SPMIP2: variants seen among roughly 807,000 people sequenced by gnomAD.
SPMIP2 encodes the protein protein SPMIP2.
At chr4:158,918,142 G>C in the SPMIP2 span, among the ~76,000 whole-genome samples, 6 of 152,172 alleles carry the variant, frequency 3.9e-5, no homozygotes, top group African/African-American at 1.4e-4. Flanking sequence ...GCTCCCCAGT[G>C]CCATTACCCT....
the SPMIP2 span, among the ~76,000 whole-genome samples, chr4:158,941,765 G>A: frequency 0.66 from 99,701 of 151,616 alleles, 33,121 homozygotes; most frequent in East Asian, 0.88. Flanking sequence ...GCTTTTTAAA[G>A]AAAGTAATAT....
the SPMIP2 span, among the ~76,000 whole-genome samples, chr4:159,001,416 T>G: frequency 6.6e-6 from 1 of 152,156 alleles, no homozygotes; most frequent in Non-Finnish European, 1.5e-5. Context: ...ATAGGTAAAC[T>G]CATGTCATGG....
the SPMIP2 span, among the ~76,000 whole-genome samples, chr4:158,902,709 T>A: frequency 6.6e-6 from 1 of 152,222 alleles, no homozygotes; most frequent in South Asian, 2.1e-4. Flanking sequence ...AGAGAGGCAG[T>A]CTGGCCCCAG....
At chr4:159,057,534 T>A in the SPMIP2 span, among the ~76,000 whole-genome samples, 1 of 152,172 alleles carries the variant, frequency 6.6e-6, no homozygotes, top group African/African-American at 2.4e-5. Flanking sequence ...ATCAGAAGAA[T>A]CACTTGGAAA....
chr4:158,943,987 C>G, the SPMIP2 span, among the ~76,000 whole-genome samples: 3 of 151,428 alleles, frequency 2.0e-5, no homozygotes, highest in Non-Finnish European at 4.4e-5. Context: ...TCCCAAGTAG[C>G]TGGGACTACA....
At chr4:158,969,175 G>A in the SPMIP2 span, among the ~76,000 whole-genome samples, 2 of 152,126 alleles carry the variant, frequency 1.3e-5, no homozygotes, top group African/African-American at 4.8e-5. Context: ...TTGTCACGAG[G>A]TCAGAGCACA....
chr4:158,983,740 C>T, the SPMIP2 span, among the ~76,000 whole-genome samples: 2 of 64,438 alleles, frequency 3.1e-5, no homozygotes, highest in South Asian at 1.3e-3. Context: ...CATCAACTAA[C>T]GAGCAAAATA....
chr4:158,961,369 G>T, the SPMIP2 span, among the ~76,000 whole-genome samples: 2 of 152,064 alleles, frequency 1.3e-5, no homozygotes, highest in African/African-American at 4.8e-5. Context: ...CATCTTCTCA[G>T]GGATAAAGAC....
the SPMIP2 span, among the ~76,000 whole-genome samples, chr4:159,043,420 C>T: frequency 6.6e-5 from 10 of 152,156 alleles, no homozygotes; most frequent in African/African-American, 1.9e-4. Context: ...GATCTCGGCT[C>T]ACTGCAAACT....
At chr4:159,028,554 C>A in the SPMIP2 span, among the ~76,000 whole-genome samples, 1 of 152,108 alleles carries the variant, frequency 6.6e-6, no homozygotes, top group Non-Finnish European at 1.5e-5. Flanking sequence ...TGGTCTCAAA[C>A]TCCTGGGCTC....
chr4:158,974,022 A>G, the SPMIP2 span, among the ~76,000 whole-genome samples: 1 of 150,640 alleles, frequency 6.6e-6, no homozygotes, highest in South Asian at 2.1e-4. Context: ...GATATATACT[A>G]AAATTTATCC....
At chr4:159,075,531 A>G in the SPMIP2 span, among the ~76,000 whole-genome samples, 2 of 152,276 alleles carry the variant, frequency 1.3e-5, no homozygotes, top group South Asian at 2.1e-4. Context: ...AAATTCAAAG[A>G]GACAGCGTGG....
the SPMIP2 span, among the ~76,000 whole-genome samples, chr4:158,920,254 CAT>C: frequency 4.1e-4 from 62 of 152,216 alleles, no homozygotes; most frequent in East Asian, 1.3e-3. Flanking sequence ...GATTGTAAAA[CAT>C]GTGTATTTGA....
chr4:158,918,826 G>A, the SPMIP2 span, among the ~76,000 whole-genome samples: 9 of 152,160 alleles, frequency 5.9e-5, no homozygotes, highest in African/African-American at 2.2e-4. Flanking sequence ...CTCCAGATGG[G>A]CCATGAGTGC....
chr4:158,939,480 C>T, the SPMIP2 span, among the ~76,000 whole-genome samples: 8 of 152,082 alleles, frequency 5.3e-5, no homozygotes, highest in Non-Finnish European at 8.8e-5. Flanking sequence ...TACATTTCTC[C>T]TAAAAATTTA....
the SPMIP2 span, among the ~76,000 whole-genome samples, chr4:158,990,403 T>A: frequency 1.3e-5 from 2 of 152,178 alleles, no homozygotes; most frequent in Non-Finnish European, 2.9e-5. Flanking sequence ...TTATAAATCA[T>A]TCTATTATAA....
chr4:159,020,373 T>C, the SPMIP2 span, among the ~76,000 whole-genome samples: 24 of 152,252 alleles, frequency 1.6e-4, no homozygotes, highest in Non-Finnish European at 2.8e-4. Flanking sequence ...ATATTTGTCA[T>C]CCCTTTTAAT....
At chr4:158,960,256 A>G in the SPMIP2 span, 14 of 1,307,578 alleles carry the variant, frequency 1.1e-5, no homozygotes, top group African/African-American at 2.1e-4. Flanking sequence ...AAACACAGTA[A>G]TTAATAAAAA....
chr4:159,037,091 C>T, the SPMIP2 span, among the ~76,000 whole-genome samples: 4 of 152,162 alleles, frequency 2.6e-5, no homozygotes, highest in Admixed American at 6.5e-5. Flanking sequence ...TAAATGAGAT[C>T]TTGGCTTTTG....
Sources: allele counts gnomAD v4.1 joint callset (sites outside exome capture counted in the v4.1 genomes callset), GRCh38; gene constraint gnomAD v4.1.1; transcripts MANE v1.5; gene names NCBI Gene and HGNC (gene_info 2026-07-23, HGNC 2026-07-21).